The following MAPK10 variants were observed in gnomAD, a reference collection of about 807,000 sequenced individuals.
MAPK10 encodes the protein JNK3 alpha protein kinase.
MAPK10 carries 25 observed loss-of-function variants against 59.3 expected under a neutral mutation model. The observed-to-expected ratio is 0.42, with a 90% CI of 0.31 to 0.59. The LOEUF is 0.59. Among genes scored for constraint, MAPK10 ranks in the 20% least tolerant of loss-of-function variants. The pLI is 0.15. For missense variants in MAPK10, 351 were observed against 568.9 expected (o/e 0.62, Z 3.90); for synonymous variants, 190 against 200.5 (o/e 0.95, Z 0.44).
At chr4:86,475,466 C>T (rs949700640) in intron 1 of MAPK10, among the ~76,000 whole-genome samples, 3 of 152,174 alleles carry the variant, frequency 2.0e-5, no homozygotes, top group South Asian at 2.1e-4. Flanking sequence ...ACTTCAATCT[C>T]TCCCTTCTCT....
Position 86,359,824 on chromosome 4 carries a change from A to T in MAPK10, c.-288T>A. On this transcript the variant is annotated 5_prime_UTR_variant, in exon 1 of 14. The change creates a new upstream start codon in the 5' untranslated region. Coordinates refer to ENST00000641462, the MANE Select transcript of MAPK10 (RefSeq NM_138982.4). ...GACAGGTGATTTCCAAGAAAACCCAATCTTAAACTCACTCAAGCCCCTAGG... is the reference window on the plus strand; with the variant it reads ...GACAGGTGATTTCCAAGAAAACCCATTCTTAAACTCACTCAAGCCCCTAGG... 1.0e-6 allele frequency: 1 copy of T among 985,762 alleles called. No homozygotes were observed. Among genetic ancestry groups the T allele is most frequent in the Non-Finnish European group, 1.2e-6 (1 of 829,926 alleles). 61.1% of individuals were successfully genotyped at this position (985,762 alleles called of 1,614,324 possible). A position where few individuals can be genotyped will look rare whatever the true frequency, so the allele number is the denominator to read the frequency against.
chr4:86,588,808 G>T, intron 1 of MAPK10, among the ~76,000 whole-genome samples: 1 of 152,022 alleles, frequency 6.6e-6, no homozygotes, highest in East Asian at 1.9e-4. Context: ...ATTATTTTAA[G>T]TTTTTGGTTT....
intron 2 of MAPK10, among the ~76,000 whole-genome samples, chr4:86,278,510 T>C (rs532169042): frequency 6.6e-6 from 1 of 152,120 alleles, no homozygotes; most frequent in South Asian, 2.1e-4. Flanking sequence ...TCTATATGAG[T>C]TGAAGGTTCT....
At chr4:86,207,773 A>G (rs1408338046) in intron 2 of MAPK10, among the ~76,000 whole-genome samples, 3 of 152,000 alleles carry the variant, frequency 2.0e-5, no homozygotes, top group Non-Finnish European at 4.4e-5. Flanking sequence ...GTCCCTTGTA[A>G]GTTGGATTCC....
rs11929779 is a variant in MAPK10, at chr4:86,161,784, A to G, written c.67-2317T>C. Among the ~76,000 whole-genome samples, 1,140 of 152,180 alleles carry G rather than the reference A, an allele frequency of 7.5e-3. 14 individuals are homozygous for G. The highest frequency in any genetic ancestry group is 0.026 in the African/African-American group (1,079 of 41,556). ...CTTTCTCAACTGTATTGCATGTATA[A>G]ACTAATCATTGGCAATGAACTTTGT... On this transcript the variant is annotated intron_variant, in intron 3 of 13. Transcript: ENST00000641462.
At chr4:86,135,961 G>A (rs1369128591) in intron 4 of MAPK10, among the ~76,000 whole-genome samples, 1 of 152,148 alleles carries the variant, frequency 6.6e-6, no homozygotes, top group Non-Finnish European at 1.5e-5. Flanking sequence ...TGAATGAAAT[G>A]AAGCAAGAAG....
chr4:86,030,407 C>T (rs28409011), intron 12 of MAPK10, among the ~76,000 whole-genome samples: 37,005 of 151,866 alleles, frequency 0.24, 5,133 homozygotes, highest in African/African-American at 0.36. Context: ...CATGGCTCAC[C>T]GCAGCCTCAA....
At chr4:86,501,539 G>A (rs1174476031) in intron 1 of MAPK10, among the ~76,000 whole-genome samples, 1 of 151,954 alleles carries the variant, frequency 6.6e-6, no homozygotes, top group Non-Finnish European at 1.5e-5. Context: ...GAGCCCAGCT[G>A]GTAAGGAGGG....
At chr4:86,113,804 T>C (rs1272819423) in intron 4 of MAPK10, among the ~76,000 whole-genome samples, 2 of 152,244 alleles carry the variant, frequency 1.3e-5, no homozygotes, top group African/African-American at 4.8e-5. Flanking sequence ...TTTTGAAGTA[T>C]GTTTTCCAAC....
intron 1 of MAPK10, among the ~76,000 whole-genome samples, chr4:86,478,041 C>T (rs1032928515): frequency 6.6e-6 from 1 of 152,144 alleles, no homozygotes; most frequent in Admixed American, 6.5e-5. Context: ...TAAAAACACA[C>T]GTGCTTTCCC....
chr4:86,415,631 A>G (rs1382104224), intron 1 of MAPK10, among the ~76,000 whole-genome samples: 1 of 152,190 alleles, frequency 6.6e-6, no homozygotes, highest in East Asian at 1.9e-4. Context: ...TTTTCCCACT[A>G]CAAAATATAG....
intron 1 of MAPK10, among the ~76,000 whole-genome samples, chr4:86,366,111 C>A (rs767499440): frequency 6.6e-6 from 1 of 151,900 alleles, no homozygotes; most frequent in South Asian, 2.1e-4. Context: ...AGATGAATCT[C>A]GAAACATGCT....
intron 2 of MAPK10, among the ~76,000 whole-genome samples, chr4:86,247,222 C>A (rs1329314587): frequency 6.6e-6 from 1 of 152,194 alleles, no homozygotes; most frequent in East Asian, 1.9e-4. Context: ...GTATTTTCCT[C>A]TATGTTCTCT....
chr4:86,229,826 A>G lies in MAPK10; in HGVS notation c.-6-35419T>C, dbSNP rs2091269257. 2.0e-5 allele frequency among the ~76,000 whole-genome samples: 3 copies of G among 151,964 alleles called. No individual in the cohort carries two copies. In the South Asian group the frequency reaches 6.2e-4, roughly 32 times the overall value. On this transcript the variant is annotated intron_variant, in intron 2 of 13. Transcript: ENST00000641462. ...ACCACGGCACTTTGTGAAGCTGAGG[A>G]GAGAGGATTACTTGAGCCCAGGAGT...
intron 1 of MAPK10, among the ~76,000 whole-genome samples, chr4:86,546,895 A>C (rs1250111134): frequency 6.6e-6 from 1 of 152,040 alleles, no homozygotes; most frequent in Non-Finnish European, 1.5e-5. Flanking sequence ...TCTCTACTAA[A>C]TATACAAAAA....
chr4:86,561,786 C>A (rs1334560947), intron 1 of MAPK10, among the ~76,000 whole-genome samples: 2 of 152,184 alleles, frequency 1.3e-5, no homozygotes, highest in African/African-American at 4.8e-5. Flanking sequence ...ATTGGGGAGA[C>A]AAGAAGCAGA....
intron 1 of MAPK10, among the ~76,000 whole-genome samples, chr4:86,553,195 C>G (rs563305388): frequency 6.6e-6 from 1 of 152,018 alleles, no homozygotes; most frequent in East Asian, 1.9e-4. Flanking sequence ...TAGTAAATAC[C>G]TAGTAGTGGT....
rs112815173 is a variant in MAPK10 at position 86,501,703 on chromosome 4, C to T, written c.-263+92207G>A. Among the ~76,000 whole-genome samples, 320 of 151,240 alleles carry T rather than the reference C, an allele frequency of 2.1e-3. 1 individual carries two copies. Among genetic ancestry groups the T allele is most frequent in the African/African-American group, 7.3e-3 (300 of 41,142 alleles). ...ATGCACACACACACACACACACACACTACTGTGCAGTCAAAGAACAGACTC... is the reference window on the plus strand; with the variant it reads ...ATGCACACACACACACACACACACATTACTGTGCAGTCAAAGAACAGACTC... On this transcript the variant is annotated intron_variant, in intron 1 of 4. Transcript: ENST00000502302.
chr4:86,132,539 A>G (rs763849018), intron 4 of MAPK10, among the ~76,000 whole-genome samples: 8 of 152,210 alleles, frequency 5.3e-5, no homozygotes, highest in Non-Finnish European at 1.0e-4. Flanking sequence ...CTTAAGTTCT[A>G]TTCCAATTCC....
Sources: gnomAD v4.1 joint callset for allele counts (sites outside exome capture counted in the v4.1 genomes callset) on GRCh38, gnomAD v4.1.1 for gene constraint, MANE v1.5 for transcripts, NCBI Gene and HGNC (gene_info 2026-07-23, HGNC 2026-07-21) for gene names.